The following TECTA variants were observed in gnomAD, a reference collection of about 807,000 sequenced individuals.
TECTA encodes the protein tectorin alpha.
In TECTA, 128 loss-of-function variants were observed where a neutral mutation model predicts 216.8. That is an observed-to-expected ratio of 0.59 (90% CI 0.51 to 0.68). TECTA has a LOEUF of 0.68. Among genes scored for constraint, TECTA ranks in the 30% least tolerant of loss-of-function variants. The probability of loss-of-function intolerance (pLI) is 0.00; values close to 1 mark genes in which losing one functional copy is unlikely to be tolerated. For missense variants in TECTA, 2,551 were observed against 2,786.2 expected (o/e 0.92, Z 1.90); for synonymous variants, 1,089 against 1,117.1 (o/e 0.97, Z 0.50).
chr11:121,116,331 G>A (rs1946501495), intron 6 of TECTA, among the ~76,000 whole-genome samples: 1 of 152,168 alleles, frequency 6.6e-6, no homozygotes, highest in Non-Finnish European at 1.5e-5. Context: ...CTCAGAAGTT[G>A]CAGACTCTTA....
In TECTA at chr11:121,129,719, G is replaced by A. The variant is rs1010510727; in HGVS notation, c.2449G>A (p.Val817Met). The change falls in exon 10 of 24, where the codon GTG becomes ATG. Residue 817 changes from valine (V) to methionine (M), a missense_variant. Val to Met is a conservative substitution (Grantham distance 21, BLOSUM62 1). Coordinates refer to ENST00000392793, the MANE Select transcript of TECTA (RefSeq NM_005422.4). Reference protein sequence around the residue: ...EIYRNKNSTTVESKGVVTVQY... With the variant: ...EIYRNKNSTTMESKGVVTVQY... ...TTATCGAAACAAAAACAGTACGACA[G>A]TGGAGTCCAAGGGCGTGGTGACTGT... The A allele has an allele frequency of 1.2e-6, 2 of 1,614,104 alleles. No homozygotes were observed. Among genetic ancestry groups the A allele is most frequent in the East Asian group, 2.2e-5 (1 of 44,900 alleles).
chr11:121,174,681 G>T (rs890125290), intron 20 of TECTA, among the ~76,000 whole-genome samples: 14 of 152,246 alleles, frequency 9.2e-5, no homozygotes, highest in African/African-American at 3.4e-4. Context: ...GCCTGGCTTT[G>T]GTATCAGGAT....
At chr11:121,114,407 A>G (rs1425261154) in intron 6 of TECTA, among the ~76,000 whole-genome samples, 1 of 152,170 alleles carries the variant, frequency 6.6e-6, no homozygotes, top group Non-Finnish European at 1.5e-5. Context: ...CTCACCATGG[A>G]CTTTCAGAGA....
intron 20 of TECTA, among the ~76,000 whole-genome samples, chr11:121,175,103 T>C (rs1379678544): frequency 6.6e-6 from 1 of 152,166 alleles, no homozygotes; most frequent in Non-Finnish European, 1.5e-5. Flanking sequence ...TTAATCTTGC[T>C]AGCGGTCTAT....
intron 20 of TECTA, among the ~76,000 whole-genome samples, chr11:121,179,974 G>GTTTTTTTTT (rs368080288): frequency 1.7e-5 from 2 of 120,688 alleles, no homozygotes; most frequent in Non-Finnish European, 1.8e-5. Context: ...TTGTTTGTTT[G>GTTTTTTTTT]TTTTTTTTTT....
At position 121,160,436 on chromosome 11, in the gene TECTA, G is replaced by A. The variant is rs781070308; in HGVS notation, c.4976+15G>A. The A allele has an allele frequency of 6.2e-7, 1 of 1,604,886 alleles. No homozygotes were observed. The highest frequency in any genetic ancestry group is 8.5e-7 in the Non-Finnish European group (1 of 1,179,612). ...ATGCAGAAGAGGTGAGGGTGTAGGA[G>A]TTCAAGCCACTAGACTTGGTGGCCC... On this transcript the variant is annotated intron_variant, in intron 15 of 23. Coordinates refer to ENST00000392793, the MANE Select transcript of TECTA (RefSeq NM_005422.4).
intron 20 of TECTA, among the ~76,000 whole-genome samples, chr11:121,174,983 C>G (rs1209597474): frequency 6.6e-6 from 1 of 151,970 alleles, no homozygotes; most frequent in African/African-American, 2.4e-5. Context: ...TTGCGTAGAG[C>G]TGTTTGTAGT....
rs72996918 is a variant in TECTA at position 121,140,479 on chromosome 11, C to A, written c.3543+2457C>A. On this transcript the variant is annotated intron_variant, in intron 11 of 23. Coordinates refer to ENST00000392793, the MANE Select transcript of TECTA (RefSeq NM_005422.4). ...AACCACACAGCTGACTTCTTCCTCA[C>A]AGAGAGGTGGAGAGGGGAGGTGTGA... is the stretch of plus-strand genomic sequence containing the variant. Among the ~76,000 whole-genome samples the A allele has an allele frequency of 8.1e-3, 1,230 of 152,334 alleles. 7 individuals carry two copies. The highest frequency in any genetic ancestry group is 0.014 in the Non-Finnish European group (931 of 68,030).
rs1252439771 is a variant in TECTA, at chr11:121,155,983, A to C, written c.4306-1858A>C. 2.0e-5 allele frequency among the ~76,000 whole-genome samples: 3 copies of C among 152,324 alleles called. 1 individual carries two copies. The highest frequency in any genetic ancestry group is 1.5e-5 in the Non-Finnish European group (1 of 68,026). ...AAAGAATAGCTGCCTCCAGTTGAGG[A>C]TACGCTATGTTGTAGGTATTTTATA... is the stretch of plus-strand genomic sequence containing the variant. On this transcript the variant is annotated intron_variant, in intron 13 of 23. Coordinates refer to ENST00000392793, the MANE Select transcript of TECTA (RefSeq NM_005422.4).
chr11:121,112,109 AC>A (rs1011325617), intron 4 of TECTA, among the ~76,000 whole-genome samples: 2 of 152,164 alleles, frequency 1.3e-5, no homozygotes, highest in African/African-American at 4.8e-5. Context: ...TCTCCTTTTA[AC>A]TCTATTTCTA....
chr11:121,144,878 G>C (rs1009350989), intron 11 of TECTA, among the ~76,000 whole-genome samples: 1 of 152,198 alleles, frequency 6.6e-6, no homozygotes, highest in East Asian at 1.9e-4. Context: ...ACATAAGGCA[G>C]ACTGTGATGT....
intron 12 of TECTA, among the ~76,000 whole-genome samples, chr11:121,152,669 G>A (rs1012473356): frequency 6.6e-6 from 1 of 152,130 alleles, no homozygotes; most frequent in African/African-American, 2.4e-5. Flanking sequence ...AGCCACCTCC[G>A]TCTGCATGTT....
At chr11:121,156,881 G>T (rs184680674) in intron 13 of TECTA, among the ~76,000 whole-genome samples, 1 of 152,154 alleles carries the variant, frequency 6.6e-6, no homozygotes, top group African/African-American at 2.4e-5. Flanking sequence ...GCACAGGTGG[G>T]GATACAGGAC....
At chr11:121,122,236 T>C (rs1335679181) in intron 7 of TECTA, among the ~76,000 whole-genome samples, 2 of 152,112 alleles carry the variant, frequency 1.3e-5, no homozygotes, top group Non-Finnish European at 2.9e-5. Context: ...GATTATGTCA[T>C]GAGGGTGGAG....
At chr11:121,106,194 C>T (rs972353878) in intron 3 of TECTA, among the ~76,000 whole-genome samples, 1 of 152,064 alleles carries the variant, frequency 6.6e-6, no homozygotes, top group African/African-American at 2.4e-5. Flanking sequence ...CAATAAATTG[C>T]TTTTGTCAGT....
rs516678 is a variant in TECTA at position 121,168,200 on chromosome 11, T to G, written c.5733T>G (p.Val1911=). Residue 1911 remains valine (V), a synonymous_variant, in exon 19 of 24, where the codon GTT becomes GTG. Transcript: ENST00000392793. ...ATATCAAGATCTCCTTGGATTCTGT[T>G]GTGAAGCCTATGCTAAGGTAAGGTG... The part of the protein sequence containing the change: ...ELDIKISLDS[V]VKPMLSVINL... 9,171 of 1,614,236 alleles carry G rather than the reference T, an allele frequency of 5.7e-3. 387 individuals carry two copies. The African/African-American group carries it at 0.1, about 18-fold the overall frequency.
In TECTA at chr11:121,109,334, C is replaced by T. The variant is rs751352958; in HGVS notation, c.322C>T (p.Arg108Ter). 16 of 1,613,948 alleles carry T rather than the reference C, an allele frequency of 9.9e-6. No individual in the cohort carries two copies. The highest frequency in any genetic ancestry group is 4.0e-5 in the African/African-American group (3 of 74,876). The change falls in exon 4 of 24, where the codon CGA (arginine) becomes TGA (stop). Residue 108 changes from arginine (R) to a stop codon, truncating the protein, a stop_gained. Coordinates refer to ENST00000392793, the MANE Select transcript of TECTA (RefSeq NM_005422.4). LOFTEE classifies it high-confidence loss of function. Reference protein sequence around the residue: ...PFWADVHNGIRGEIYYRETME... With the variant: ...PFWADVHNGI ...TTGGGCAGATGTGCACAATGGAATT[C>T]GAGGCGAGATCTATTACAGAGAGAC...
intron 11 of TECTA, among the ~76,000 whole-genome samples, 156 bp from the exon 12 acceptor site, chr11:121,145,398 AT>A (rs1946824651): frequency 6.6e-6 from 1 of 152,224 alleles, no homozygotes; most frequent in African/African-American, 2.4e-5. Context: ...CTTAATCATA[AT>A]AGTTGACTGA....
intron 7 of TECTA, among the ~76,000 whole-genome samples, chr11:121,123,388 G>A (rs927115441): frequency 2.6e-5 from 4 of 152,182 alleles, no homozygotes; most frequent in Non-Finnish European, 4.4e-5. Flanking sequence ...AAACCACCAC[G>A]TCCAGCTGTG....
Sources: allele counts gnomAD v4.1 joint callset (sites outside exome capture counted in the v4.1 genomes callset), GRCh38; gene constraint gnomAD v4.1.1; transcripts MANE v1.5; gene names NCBI Gene and HGNC (gene_info 2026-07-23, HGNC 2026-07-21).